The following ZRANB1 variants were observed in gnomAD, a reference collection of about 807,000 sequenced individuals.
The protein encoded by ZRANB1 is ubiquitin thioesterase ZRANB1.
A neutral mutation model predicts 80.5 loss-of-function variants in ZRANB1; 16 were observed. The observed-to-expected ratio is 0.20, with a 90% CI of 0.13 to 0.30. The LOEUF is 0.30. Ranked by LOEUF, ZRANB1 falls within the 10% of genes least tolerant of loss-of-function variation. The pLI, the probability that ZRANB1 is intolerant of heterozygous loss-of-function variation, is 1.00. For missense variants in ZRANB1, 576 were observed against 862.6 expected (o/e 0.67, Z 4.16); for synonymous variants, 291 against 293.1 (o/e 0.99, Z 0.07).
chr10:124,928,436 T>C, the ZRANB1 span, among the ~76,000 whole-genome samples: 2 of 152,116 alleles, frequency 1.3e-5, no homozygotes, highest in African/African-American at 4.8e-5. Flanking sequence ...ACTGTGCAAC[T>C]GTGAGTGTGT....
chr10:124,955,391 A>G (rs2134262871), intron 1 of ZRANB1, among the ~76,000 whole-genome samples: 1 of 152,098 alleles, frequency 6.6e-6, no homozygotes, highest in African/African-American at 2.4e-5. Context: ...ATGAGCTACC[A>G]TGCCTGGACA....
chr10:124,978,169 T>C (rs191121870), intron 5 of ZRANB1, among the ~76,000 whole-genome samples: 8 of 152,224 alleles, frequency 5.3e-5, no homozygotes, highest in Admixed American at 1.3e-4. Context: ...ATAGTTCTTG[T>C]GTTGAGTTGC....
At chr10:124,922,957 G>A in the ZRANB1 span, among the ~76,000 whole-genome samples, 2 of 152,154 alleles carry the variant, frequency 1.3e-5, no homozygotes, top group Non-Finnish European at 2.9e-5. Context: ...AGGAATTCGA[G>A]TCCAGTCTGG....
the ZRANB1 span, among the ~76,000 whole-genome samples, chr10:124,920,736 G>C: frequency 6.6e-6 from 1 of 151,988 alleles, no homozygotes; most frequent in Non-Finnish European, 1.5e-5. Context: ...GTCTTCTCTT[G>C]CGTGAGACTT....
intron 1 of ZRANB1, among the ~76,000 whole-genome samples, chr10:124,963,550 GTTTGTTTTTTTTTTT>G (rs1951752311): frequency 1.3e-5 from 1 of 75,172 alleles, no homozygotes; most frequent in East Asian, 4.0e-4. Flanking sequence ...TTTTTTTTTT[GTTTGTTTTTTTTTTT>G]TTTTTTTTTT....
At chr10:124,952,273 G>A (rs548665935) in intron 1 of ZRANB1, among the ~76,000 whole-genome samples, 1 of 152,352 alleles carries the variant, frequency 6.6e-6, no homozygotes, top group African/African-American at 2.4e-5. Flanking sequence ...GGTGGGTGGT[G>A]TAATCACAAG....
In ZRANB1 at chr10:124,983,040, T is replaced by G. The variant is rs1201180306; in HGVS notation, c.1549-135T>G. 1 of 832,032 alleles carries G rather than the reference T, an allele frequency of 1.2e-6. No homozygotes were observed. Among genetic ancestry groups the G allele is most frequent in the East Asian group, 2.6e-5 (1 of 37,748 alleles). 51.5% of individuals were successfully genotyped at this position (832,032 alleles called of 1,614,324 possible). A position where few individuals can be genotyped will look rare whatever the true frequency, so the allele number is the denominator to read the frequency against. ...TGGATTTATTATTTGAGGAATCAAA[T>G]GCTGCTTTGACAATCTTTTCTTTCT... On this transcript the variant is annotated intron_variant, in intron 6 of 8. Coordinates refer to ENST00000359653, the MANE Select transcript of ZRANB1 (RefSeq NM_017580.3). This position sits in a 1 kb window ranked among gnomAD's most constrained non-coding sequence, Gnocchi z 6.2.
chr10:124,932,453 C>A, the ZRANB1 span, among the ~76,000 whole-genome samples: 1 of 152,106 alleles, frequency 6.6e-6, no homozygotes, highest in African/African-American at 2.4e-5. Flanking sequence ...CCGCACCTGG[C>A]TAGTTTTTTA....
chr10:124,942,633 G>A lies in ZRANB1; in HGVS notation c.140G>A (p.Ser47Asn), dbSNP rs760349053. ...ITEDPFKSGS[S>N]DVGRDWDPSS... ...GAAGATCCATTTAAAAGTGGTTCAAGTGATGTTGGTAGAGATTGGGATCCT... is the reference window on the plus strand; with the variant it reads ...GAAGATCCATTTAAAAGTGGTTCAAATGATGTTGGTAGAGATTGGGATCCT... Residue 47 changes from serine (S) to asparagine (N), a missense_variant, in exon 1 of 9, where the codon AGT (serine) becomes AAT (asparagine). Physicochemically the swap from Ser to Asn is conservative, Grantham distance 46. This residue lies in a region of ZRANB1 where 411 missense variants were observed against 583.1 expected (regional missense o/e 0.70). Transcript: ENST00000359653. The A allele has an allele frequency of 3.1e-6, 5 of 1,614,234 alleles. No individual in the cohort carries two copies. The South Asian group carries it at 3.3e-5, about 11-fold the overall frequency.
chr10:124,984,021 A>G (rs1951969446), intron 8 of ZRANB1, among the ~76,000 whole-genome samples: 3 of 152,152 alleles, frequency 2.0e-5, no homozygotes, highest in Non-Finnish European at 4.4e-5. Flanking sequence ...TTAAGAGGGG[A>G]AGCAACAGGG....
At chr10:124,927,530 A>G in the ZRANB1 span, among the ~76,000 whole-genome samples, 3 of 152,226 alleles carry the variant, frequency 2.0e-5, no homozygotes, top group African/African-American at 7.2e-5. Context: ...GAACTAGTTC[A>G]GTTTTCCGAA....
chr10:124,970,259 T>A (rs1281149350), intron 2 of ZRANB1, among the ~76,000 whole-genome samples: 2 of 152,126 alleles, frequency 1.3e-5, no homozygotes, highest in Non-Finnish European at 2.9e-5. Flanking sequence ...TAGGAGTTTT[T>A]AAATTTTTTA....
At chr10:124,926,694 AAC>A in the ZRANB1 span, among the ~76,000 whole-genome samples, 1 of 152,226 alleles carries the variant, frequency 6.6e-6, no homozygotes, top group South Asian at 2.1e-4. Flanking sequence ...ACAAACTGGT[AAC>A]ATACTTATTA....
intron 1 of ZRANB1, among the ~76,000 whole-genome samples, chr10:124,963,537 GT>G (rs371266873): frequency 0.02 from 1,884 of 93,020 alleles, 20 homozygotes; most frequent in African/African-American, 0.036. Flanking sequence ...ATATTGTAAG[GT>G]TTTTTTTTTT....
rs1424139641 is a variant in ZRANB1, at chr10:124,987,093, A to G, written c.*2101A>G. ...GCTACAGACAGGAATGGGGCTCTAA[A>G]TGGTTTTCATAGACTGGCTGTTAAA... On this transcript the variant is annotated 3_prime_UTR_variant, in exon 9 of 9. Coordinates refer to ENST00000359653, the MANE Select transcript of ZRANB1 (RefSeq NM_017580.3). 2 of 152,624 alleles carry G rather than the reference A, an allele frequency of 1.3e-5. No homozygotes were observed. Among genetic ancestry groups the G allele is most frequent in the Non-Finnish European group, 2.9e-5 (2 of 68,042 alleles). 9.5% of individuals were successfully genotyped at this position (152,624 alleles called of 1,614,324 possible). A position where few individuals can be genotyped will look rare whatever the true frequency, so the allele number is the denominator to read the frequency against.
chr10:124,916,972 C>G, the ZRANB1 span, among the ~76,000 whole-genome samples: 5 of 152,054 alleles, frequency 3.3e-5, no homozygotes, highest in East Asian at 7.8e-4. Context: ...AGTGCCCCCG[C>G]CCCCCGGGGC....
At position 124,950,252 on chromosome 10, in the gene ZRANB1, G is replaced by A. The variant is rs118098571; in HGVS notation, c.814+6945G>A. Reference sequence around the variant, plus strand: ...CAATTCTCCTACCTCAGCCACCCAGGTAGATGGGACTACAGACGTGCACCA... The same window carrying A: ...CAATTCTCCTACCTCAGCCACCCAGATAGATGGGACTACAGACGTGCACCA... On this transcript the variant is annotated intron_variant, in intron 1 of 8. Transcript: ENST00000359653. Among the ~76,000 whole-genome samples, 120 of 152,152 alleles carry A rather than the reference G, an allele frequency of 7.9e-4. 2 individuals are homozygous for A. In the East Asian group the frequency reaches 0.018, roughly 23 times the overall value.
chr10:124,957,427 A>G (rs1951695710), intron 1 of ZRANB1, among the ~76,000 whole-genome samples: 3 of 152,074 alleles, frequency 2.0e-5, no homozygotes, highest in African/African-American at 7.2e-5. Flanking sequence ...TAAAATTTAT[A>G]CCATTTTACT....
At position 124,987,914 on chromosome 10, in the gene ZRANB1, T is replaced by C. The variant is rs192557903; in HGVS notation, c.*2922T>C. The C allele has an allele frequency of 1.4e-4, 22 of 152,584 alleles. No homozygotes were observed. Among genetic ancestry groups the C allele is most frequent in the African/African-American group, 5.3e-4 (22 of 41,600 alleles). The allele number at this position is 152,584 out of a possible 1,614,324, so 9.5% of individuals were successfully genotyped here. On this transcript the variant is annotated 3_prime_UTR_variant, in exon 9 of 9. Coordinates refer to ENST00000359653, the MANE Select transcript of ZRANB1 (RefSeq NM_017580.3). Reference sequence around the variant, plus strand: ...TCCATTAAATCAAGCTCTTAACTCATGGGACTATTTGCAACACTTCTTTGT... The same window carrying C: ...TCCATTAAATCAAGCTCTTAACTCACGGGACTATTTGCAACACTTCTTTGT...
Sources: gnomAD v4.1 joint callset for allele counts (sites outside exome capture counted in the v4.1 genomes callset) on GRCh38, gnomAD v4.1.1 for gene constraint, gnomAD v4.1.1 regional missense constraint, Gnocchi (gnomAD v3.1) non-coding constraint, MANE v1.5 for transcripts, NCBI Gene and HGNC (gene_info 2026-07-23, HGNC 2026-07-21) for gene names.